Variants in PCDHGC5 observed in about 807,000 individuals in gnomAD.
PCDHGC5 encodes the protein protocadherin gamma subfamily C, 5.
Under a neutral mutation model 59.0 loss-of-function variants are expected in PCDHGC5, and 25 were observed. That is an observed-to-expected ratio of 0.42 (90% confidence interval 0.31 to 0.59). The LOEUF (loss-of-function observed/expected upper bound fraction) is 0.59. PCDHGC5 is among the 20% of genes least tolerant of loss of function. The pLI is 0.13. For synonymous variants in PCDHGC5, 434 were observed against 505.5 expected (o/e 0.86, Z 1.90); for missense variants, 1,067 against 1,206.4 (o/e 0.88, Z 1.71).
intron 2 of PCDHGC5, among the ~76,000 whole-genome samples, chr5:141,496,410 A>G (rs77823969): frequency 0.019 from 2,839 of 152,308 alleles, 40 homozygotes; most frequent in Middle Eastern, 0.082. Context: ...ATGGTTGAGT[A>G]CTTGCTGTCC....
intron 2 of PCDHGC5, among the ~76,000 whole-genome samples, chr5:141,497,735 C>T (rs1299892535): frequency 2.6e-5 from 4 of 152,144 alleles, no homozygotes; most frequent in Non-Finnish European, 4.4e-5. Flanking sequence ...AGATGGGTTT[C>T]GCCACGTTGG....
chr5:141,503,528 G>A (rs1411240550), intron 2 of PCDHGC5, among the ~76,000 whole-genome samples: 2 of 151,470 alleles, frequency 1.3e-5, no homozygotes, highest in Non-Finnish European at 2.9e-5. Flanking sequence ...GAACCTGGGA[G>A]GCAGAGGTTG....
chr5:141,508,183 A>G (rs1596134418), intron 3 of PCDHGC5: 1 of 152,336 alleles, frequency 6.6e-6, no homozygotes, highest in African/African-American at 2.4e-5. Context: ...GAGAGAAGGC[A>G]TCACCCCCAC....
At position 141,491,733 on chromosome 5, in the gene PCDHGC5, TGGGGGCGGCAC is replaced by T; in HGVS notation, c.2460+34_2460+44del. 1.9e-6 allele frequency: 3 copies of T among 1,602,698 alleles called. No individual in the cohort carries two copies. The highest frequency in any genetic ancestry group is 2.6e-6 in the Non-Finnish European group (3 of 1,175,258). On this transcript the variant is annotated intron_variant, in intron 1 of 3. Coordinates refer to ENST00000252087, the MANE Select transcript of PCDHGC5 (RefSeq NM_018929.3). The surrounding 1 kb of genome is among the most constrained non-coding windows in gnomAD (Gnocchi z 6.9). ...GCTCGGCGCCGCCCCGGGCGACCCC[TGGGGGCGGCAC>T]TGGAGAAGCCGCCCGTCCTCATAAG...
intron 2 of PCDHGC5, among the ~76,000 whole-genome samples, chr5:141,499,010 AAGG>A (rs2099788390): frequency 6.6e-6 from 1 of 151,098 alleles, no homozygotes; most frequent in Non-Finnish European, 1.5e-5. Context: ...GGAAGGAAGG[AAGG>A]AAGGAAGGAA....
Position 141,490,972 on chromosome 5 carries a change from C to G in PCDHGC5, c.1732C>G (p.Arg578Gly). 6.2e-7 allele frequency: 1 copy of G among 1,613,912 alleles called. No homozygotes were observed. Among genetic ancestry groups the G allele is most frequent in the Non-Finnish European group, 8.5e-7 (1 of 1,179,922 alleles). ...RPDWEHSAPQRLPRSAPPGSL... is the reference protein window; with the variant it reads ...RPDWEHSAPQGLPRSAPPGSL... Reference sequence around the variant, plus strand: ...AGACTGGGAACACTCAGCCCCCCAGCGTCTCCCTCGCTCTGCTCCTCCTGG... The same window carrying G: ...AGACTGGGAACACTCAGCCCCCCAGGGTCTCCCTCGCTCTGCTCCTCCTGG... Residue 578 changes from arginine to glycine, a missense_variant, in exon 1 of 4, where the codon CGT (arginine) becomes GGT (glycine). Coordinates refer to ENST00000252087, the MANE Select transcript of PCDHGC5 (RefSeq NM_018929.3). The surrounding 1 kb of genome is among the most constrained non-coding windows in gnomAD (Gnocchi z 5.4).
chr5:141,510,802 C>T (rs1358684730), intron 3 of PCDHGC5, 145 bp from the exon 4 acceptor site: 1 of 1,497,192 alleles, frequency 6.7e-7, no homozygotes, highest in African/African-American at 1.4e-5. Context: ...AGAGAGACTA[C>T]CTTGGTGACC....
intron 2 of PCDHGC5, among the ~76,000 whole-genome samples, chr5:141,501,620 T>G (rs1393018933): frequency 6.6e-6 from 1 of 152,090 alleles, no homozygotes; most frequent in Non-Finnish European, 1.5e-5. Context: ...GACTCTGGTA[T>G]AGTCTCTCAA....
At chr5:141,507,286 TC>T in intron 3 of PCDHGC5, 1 of 149,886 alleles carries the variant, frequency 6.7e-6, no homozygotes, top group East Asian at 1.9e-4. Context: ...TAAGTCAGTC[TC>T]AAATGTTGCA....
intron 2 of PCDHGC5, among the ~76,000 whole-genome samples, chr5:141,500,674 G>T (rs554174451): frequency 4.2e-4 from 64 of 152,122 alleles, no homozygotes; most frequent in Non-Finnish European, 6.6e-4. Flanking sequence ...CTGTCCAACA[G>T]AATTATAGCT....
chr5:141,506,459 A>G (rs1159808052), intron 3 of PCDHGC5, among the ~76,000 whole-genome samples: 4 of 151,918 alleles, frequency 2.6e-5, no homozygotes, highest in Non-Finnish European at 4.4e-5. Context: ...AAAAAAAAAA[A>G]AAAAAAGAGC....
chr5:141,506,516 G>A (rs2099854579), intron 3 of PCDHGC5, among the ~76,000 whole-genome samples: 1 of 151,324 alleles, frequency 6.6e-6, no homozygotes, highest in Non-Finnish European at 1.5e-5. Flanking sequence ...CTGGCACCTG[G>A]CACCACCACT....
chr5:141,489,101 T>A lies in PCDHGC5; in HGVS notation c.-140T>A. 2 of 398,380 alleles carry A rather than the reference T, an allele frequency of 5.0e-6. No individual in the cohort carries two copies. Among genetic ancestry groups the A allele is most frequent in the Non-Finnish European group, 9.0e-6 (2 of 223,310 alleles). The allele number at this position is 398,380 out of a possible 1,614,324, so 24.7% of individuals were successfully genotyped here. ...CCGCCACTCGGTGACTAAGAACTGC[T>A]GCAAGCAGGCAAACCTCCGAGCAGT... On this transcript the variant is annotated 5_prime_UTR_variant, in exon 1 of 4. Coordinates refer to ENST00000252087, the MANE Select transcript of PCDHGC5 (RefSeq NM_018929.3). This position sits in a 1 kb window ranked among gnomAD's most constrained non-coding sequence, Gnocchi z 4.5.
At position 141,511,855 on chromosome 5, in the gene PCDHGC5, ATTGT is replaced by A. The variant is rs2099883980; in HGVS notation, c.*686_*689del. ...GGACCAGTCTTCTGTTTTGTTTTTCATTGTTTGACGTTTCCACTGCATGCCTTGA... is the reference window on the plus strand; with the variant it reads ...GGACCAGTCTTCTGTTTTGTTTTTCATTGACGTTTCCACTGCATGCCTTGA... On this transcript the variant is annotated 3_prime_UTR_variant, in exon 4 of 4. Coordinates refer to ENST00000252087, the MANE Select transcript of PCDHGC5 (RefSeq NM_018929.3). 1 of 156,316 alleles carries A rather than the reference ATTGT, an allele frequency of 6.4e-6. No individual in the cohort carries two copies. Among genetic ancestry groups the A allele is most frequent in the South Asian group, 2.0e-4 (1 of 5,082 alleles). The allele number at this position is 156,316 out of a possible 1,614,324, so 9.7% of individuals were successfully genotyped here.
intron 2 of PCDHGC5, 35 bp from the exon 3 acceptor site, chr5:141,505,358 G>A (rs1156448862): frequency 6.2e-7 from 1 of 1,613,796 alleles, no homozygotes; most frequent in Non-Finnish European, 8.5e-7. Context: ...GTGCCGGCCT[G>A]GGAGTCTGTG....
chr5:141,489,944 T>C lies in PCDHGC5; in HGVS notation c.704T>C (p.Ile235Thr). The change falls in exon 1 of 4, where the codon ATC becomes ACC. Residue 235 changes from isoleucine to threonine, a missense_variant. By Grantham distance (89) the Ile-to-Thr change is moderately conservative (BLOSUM62 -1). Coordinates refer to ENST00000252087, the MANE Select transcript of PCDHGC5 (RefSeq NM_018929.3). The surrounding 1 kb of genome is among the most constrained non-coding windows in gnomAD (Gnocchi z 4.5). ...TTLISVIVLD[I>T]NDNAPTFQSS... is the part of the protein sequence containing the mutation. Reference sequence around the variant, plus strand: ...CTTATCTCTGTCATCGTGCTGGACATCAATGATAATGCTCCAACCTTCCAA... The same window carrying C: ...CTTATCTCTGTCATCGTGCTGGACACCAATGATAATGCTCCAACCTTCCAA... 6.2e-7 allele frequency: 1 copy of C among 1,614,172 alleles called. No homozygotes were observed. Among genetic ancestry groups the C allele is most frequent in the Non-Finnish European group, 8.5e-7 (1 of 1,180,010 alleles).
Position 141,503,999 on chromosome 5 carries a change from C to T in PCDHGC5, c.2520-1394C>T, listed in dbSNP as rs569153055. On this transcript the variant is annotated intron_variant, in intron 2 of 3. Coordinates refer to ENST00000252087, the MANE Select transcript of PCDHGC5 (RefSeq NM_018929.3). Reference sequence around the variant, plus strand: ...AACCCTTCTTCTTACCTTACAGTCACTTAACTGTCTCTGCTGGTCTCTTCC... The same window carrying T: ...AACCCTTCTTCTTACCTTACAGTCATTTAACTGTCTCTGCTGGTCTCTTCC... 2.0e-5 allele frequency among the ~76,000 whole-genome samples: 3 copies of T among 152,286 alleles called. No individual in the cohort carries two copies. The South Asian group carries it at 6.2e-4, about 32-fold the overall frequency.
At position 141,511,871 on chromosome 5, in the gene PCDHGC5, A is replaced by T. The variant is rs1306732557; in HGVS notation, c.*698A>T. On this transcript the variant is annotated 3_prime_UTR_variant, in exon 4 of 4. Coordinates refer to ENST00000252087, the MANE Select transcript of PCDHGC5 (RefSeq NM_018929.3). ...TTGTTTTTCATTGTTTGACGTTTCCACTGCATGCCTTGACTTCCCCCACCT... is the reference window on the plus strand; with the variant it reads ...TTGTTTTTCATTGTTTGACGTTTCCTCTGCATGCCTTGACTTCCCCCACCT... 1 of 156,376 alleles carries T rather than the reference A, an allele frequency of 6.4e-6. No homozygotes were observed. The highest frequency in any genetic ancestry group is 1.9e-4 in the East Asian group (1 of 5,268). 9.7% of individuals were successfully genotyped at this position (156,376 alleles called of 1,614,324 possible).
chr5:141,501,706 T>TA (rs2099810629), intron 2 of PCDHGC5, among the ~76,000 whole-genome samples: 1 of 152,094 alleles, frequency 6.6e-6, no homozygotes, highest in South Asian at 2.1e-4. Flanking sequence ...ATTCCGAGGA[T>TA]AAAAAAGACA....
Sources: allele counts gnomAD v4.1 joint callset (sites outside exome capture counted in the v4.1 genomes callset), GRCh38; gene constraint gnomAD v4.1.1; non-coding constraint Gnocchi (gnomAD v3.1); transcripts MANE v1.5; gene names NCBI Gene and HGNC (gene_info 2026-07-23, HGNC 2026-07-21).